The following C11orf65 variants were observed in gnomAD, a reference collection of about 807,000 sequenced individuals.
C11orf65 encodes chromosome 11 open reading frame 65.
C11orf65 carries 38 observed loss-of-function variants against 35.3 expected under a neutral mutation model. The ratio of observed to expected loss-of-function variants is 1.08; its 90% confidence interval spans 0.83 to 1.41. The LOEUF (loss-of-function observed/expected upper bound fraction) is 1.41, where lower values mean the gene tolerates loss of function less well. Among genes scored for constraint, C11orf65 ranks in the 40% most tolerant of loss-of-function variants. The pLI is 0.00. For missense variants in C11orf65, 370 were observed against 367.1 expected (o/e 1.01, Z -0.06); for synonymous variants, 105 against 114.4 (o/e 0.92, Z 0.53).
chr11:108,392,630 A>C (rs2092193618), intron 7 of C11orf65, among the ~76,000 whole-genome samples: 1 of 152,212 alleles, frequency 6.6e-6, no homozygotes, highest in African/African-American at 2.4e-5. Flanking sequence ...TCCCACTAGC[A>C]GTGTATGAGT....
At chr11:108,402,465 C>G (rs1796524295) in intron 6 of C11orf65, among the ~76,000 whole-genome samples, 1 of 152,072 alleles carries the variant, frequency 6.6e-6, no homozygotes, top group Admixed American at 6.6e-5. Flanking sequence ...TGCAATGGAA[C>G]CCAGGGTTGC....
intron 6 of C11orf65, chr11:108,325,647 G>T (rs1027453844): frequency 4.1e-6 from 4 of 970,528 alleles, no homozygotes; most frequent in Non-Finnish European, 6.2e-6. Context: ...AAGAGATAGA[G>T]ATCTCTATTA....
chr11:108,312,057 T>G (rs556579369), intron 6 of C11orf65, among the ~76,000 whole-genome samples: 88 of 152,206 alleles, frequency 5.8e-4, no homozygotes, highest in Non-Finnish European at 1.2e-3. Flanking sequence ...GGTCTTTATT[T>G]GTGTGTCTGT....
intron 7 of C11orf65, among the ~76,000 whole-genome samples, chr11:108,387,187 T>C (rs2092031230): frequency 8.0e-6 from 1 of 125,088 alleles, no homozygotes; most frequent in African/African-American, 2.9e-5. Flanking sequence ...AAAATCTCGC[T>C]CTTGTGCCCT....
intron 2 of C11orf65, among the ~76,000 whole-genome samples, chr11:108,372,818 T>C (rs2091608198): frequency 6.6e-6 from 1 of 152,162 alleles, no homozygotes; most frequent in Non-Finnish European, 1.5e-5. Flanking sequence ...GGCACACATC[T>C]GTAATCCCAG....
chr11:108,462,045 A>G (rs141479847), intron 1 of C11orf65, among the ~76,000 whole-genome samples: 1,686 of 152,264 alleles, frequency 0.011, 30 homozygotes, highest in African/African-American at 0.038. Context: ...AAAAATAGTC[A>G]CCTTCTTATT....
At chr11:108,395,476 GC>G (rs2092284765) in intron 6 of C11orf65, among the ~76,000 whole-genome samples, 1 of 149,290 alleles carries the variant, frequency 6.7e-6, no homozygotes, top group Non-Finnish European at 1.5e-5. Context: ...AGCCCACCAC[GC>G]CCAGCTAATT....
intron 2 of C11orf65, among the ~76,000 whole-genome samples, chr11:108,440,526 T>A (rs1343562902): frequency 1.3e-5 from 2 of 152,178 alleles, no homozygotes; most frequent in Non-Finnish European, 2.9e-5. Context: ...ATATAAAAAA[T>A]GGCCTTTTCA....
In C11orf65 at chr11:108,321,455, G is replaced by A. The variant is rs201646873; in HGVS notation, c.641-12384C>T. The stretch of plus-strand genomic sequence containing the variant: ...TCGTATGACTTTGTTATCCTAAAGT[G>A]CAGCTTTTCTGTTACCAATAGTGAC... On this transcript the variant is annotated intron_variant, in intron 6 of 6. Transcript: ENST00000525729. 75 of 1,613,530 alleles carry A rather than the reference G, an allele frequency of 4.6e-5. No individual in the cohort carries two copies. In the African/African-American group the frequency reaches 8.7e-4, roughly 19 times the overall value.
chr11:108,375,737 AC>A lies in C11orf65; in HGVS notation c.226+17470del, dbSNP rs950415489. 7.4e-4 allele frequency among the ~76,000 whole-genome samples: 112 copies of A among 152,196 alleles called. 1 individual carries two copies. The highest frequency in any genetic ancestry group is 2.5e-3 in the African/African-American group (103 of 41,520). On this transcript the variant is annotated intron_variant, in intron 2 of 3. Transcript: ENST00000524755. ...CCCGTCAGTGTGCTGTATTCAGGAA[AC>A]CCATCTCACGTGCAGAGACACACAT... is the stretch of plus-strand genomic sequence containing the variant.
In C11orf65 at chr11:108,405,508, A is replaced by G. The variant is rs755425298; in HGVS notation, c.481T>C (p.Phe161Leu). Residue 161 changes from phenylalanine (F) to leucine (L), a missense_variant, in exon 6 of 9, where the codon TTC (phenylalanine) becomes CTC (leucine). Coordinates refer to ENST00000393084, the MANE Select transcript of C11orf65 (RefSeq NM_152587.5). Reference protein sequence around the residue: ...MVVEDKKESEFHFSKLKRRQD... With the variant: ...MVVEDKKESELHFSKLKRRQD... ...CTTCTCTTCAGTTTAGAGAAATGGA[A>G]TTCACTTTCCTTTTTGTCTTCCACC... is the stretch of plus-strand genomic sequence containing the variant. The G allele has an allele frequency of 6.2e-7, 1 of 1,613,670 alleles. No individual in the cohort carries two copies. The highest frequency in any genetic ancestry group is 8.5e-7 in the Non-Finnish European group (1 of 1,179,786).
At chr11:108,340,732 C>T (rs2136859886) in intron 2 of C11orf65, among the ~76,000 whole-genome samples, 1 of 152,244 alleles carries the variant, frequency 6.6e-6, no homozygotes, top group African/African-American at 2.4e-5. Context: ...GGGATTGTTT[C>T]CAGAGCCCCC....
chr11:108,396,722 T>C (rs1329098451), intron 6 of C11orf65, among the ~76,000 whole-genome samples: 2 of 151,234 alleles, frequency 1.3e-5, no homozygotes, highest in Admixed American at 1.3e-4. Flanking sequence ...TAGTCCCAGC[T>C]ACTAGGGAGG....
At position 108,345,838 on chromosome 11, in the gene C11orf65, A is replaced by G. The variant is rs1591264927; in HGVS notation, c.227-10546T>C. On this transcript the variant is annotated intron_variant, in intron 2 of 3. Transcript: ENST00000524755. ...TTTTCCGTTACTTCTGCATGGAAAA[A>G]TTCTTGGATCCAGCTATTTGGTTTG... 6.2e-7 allele frequency: 1 copy of G among 1,613,888 alleles called. No individual in the cohort carries two copies. The highest frequency in any genetic ancestry group is 8.5e-7 in the Non-Finnish European group (1 of 1,179,862).
intron 6 of C11orf65, among the ~76,000 whole-genome samples, chr11:108,323,727 A>C (rs1046435979): frequency 6.6e-6 from 1 of 152,200 alleles, no homozygotes; most frequent in Non-Finnish European, 1.5e-5. Context: ...GAAACACCTA[A>C]AGAATAATCT....
chr11:108,451,501 A>G (rs2093347160), intron 2 of C11orf65, among the ~76,000 whole-genome samples: 1 of 152,080 alleles, frequency 6.6e-6, no homozygotes, highest in South Asian at 2.1e-4. Context: ...CAACAAAATA[A>G]AAGAGGACAC....
At position 108,353,896 on chromosome 11, in the gene C11orf65, T is replaced by A. The variant is rs1057521277; in HGVS notation, c.227-18604A>T. The A allele has an allele frequency of 1.3e-6, 2 of 1,596,886 alleles. No homozygotes were observed. Among genetic ancestry groups the A allele is most frequent in the Non-Finnish European group, 1.7e-6 (2 of 1,164,568 alleles). ...TCTTCAGAAGGTAAGTGATATGAAG[T>A]AAAGGAGGGAAATAATTTTTGATGT... On this transcript the variant is annotated intron_variant, in intron 2 of 3. Coordinates refer to the C11orf65 transcript ENST00000524755.
chr11:108,407,200 T>C (rs1489827659), intron 3 of C11orf65, 51 bp from the exon 4 acceptor site: 1 of 1,258,012 alleles, frequency 7.9e-7, no homozygotes. Flanking sequence ...ATTCTGTATG[T>C]ATCAATTCAC....
intron 3 of C11orf65, among the ~76,000 whole-genome samples, chr11:108,409,060 G>A (rs1359119416): frequency 6.6e-6 from 1 of 152,084 alleles, no homozygotes; most frequent in Admixed American, 6.6e-5. Flanking sequence ...GATCTTAAGT[G>A]TACAGCTCCA....
Sources: gnomAD v4.1 joint callset for allele counts (sites outside exome capture counted in the v4.1 genomes callset) on GRCh38, gnomAD v4.1.1 for gene constraint, MANE v1.5 for transcripts, NCBI Gene and HGNC (gene_info 2026-07-23, HGNC 2026-07-21) for gene names.